FGL1: variants seen among roughly 807,000 people sequenced by gnomAD.
FGL1 encodes the protein fibrinogen like 1, also known as fibrinogen-like protein 1.
FGL1 carries 59 observed loss-of-function variants against 43.7 expected under a neutral mutation model. The ratio of observed to expected loss-of-function variants is 1.35; its 90% CI spans 1.10 to 1.68. The LOEUF (loss-of-function observed/expected upper bound fraction) is 1.68. FGL1 is among the 40% of genes most tolerant of loss of function. The pLI, the probability that FGL1 is intolerant of heterozygous loss-of-function variation, is 0.00. For synonymous variants in FGL1, 192 were observed against 126.5 expected, an observed-to-expected ratio of 1.52 and a Z score of -3.48; for missense variants, 596 against 373.0, an observed-to-expected ratio of 1.60 and a Z score of -4.92.
At chr8:17,881,053 A>G (rs2053526528) in intron 3 of FGL1, among the ~76,000 whole-genome samples, 2 of 152,042 alleles carry the variant, frequency 1.3e-5, no homozygotes, top group African/African-American at 4.8e-5. Flanking sequence ...AGAAGGGAAA[A>G]CTGCATACAT....
chr8:17,889,688 A>G (rs1167822312), intron 1 of FGL1, among the ~76,000 whole-genome samples: 1 of 152,248 alleles, frequency 6.6e-6, no homozygotes. Context: ...CTCTGGGGAT[A>G]TCCCCTGGGA....
chr8:17,877,566 C>T (rs550213195), intron 3 of FGL1, among the ~76,000 whole-genome samples: 5 of 151,040 alleles, frequency 3.3e-5, no homozygotes, highest in Admixed American at 6.6e-5. Flanking sequence ...TTGGGATATG[C>T]GAGAACTGGC....
At chr8:17,877,053 A>G (rs1585136652) in intron 3 of FGL1, among the ~76,000 whole-genome samples, 1 of 152,362 alleles carries the variant, frequency 6.6e-6, no homozygotes, top group East Asian at 1.9e-4. Flanking sequence ...TAACAAGTTA[A>G]GAAGCCTGCT....
Position 17,868,961 on chromosome 8 carries a change from AT to A in FGL1, c.545del (p.Asn182IlefsTer21). 1.1e-5 allele frequency: 18 copies of A among 1,605,942 alleles called. No homozygotes were observed. Among genetic ancestry groups the A allele is most frequent in the Non-Finnish European group, 1.4e-5 (17 of 1,177,458 alleles). Reference sequence around the variant, plus strand: ...AATTCTTATATTGTGCATAACGGCTATTTTTTTCAAAATCTGCAAGGTCGAT... The same window carrying A: ...AATTCTTATATTGTGCATAACGGCTATTTTTTCAAAATCTGCAAGGTCGAT... The part of the protein sequence containing the change: ...LKIDLADFEK[N>X]SRYAQYKNFK... On this transcript the variant is annotated frameshift_variant, in exon 6 of 8. Coordinates refer to ENST00000427924, the MANE Select transcript of FGL1 (RefSeq NM_004467.4). LOFTEE classifies it high-confidence loss of function.
At chr8:17,869,084 G>A (rs902227602) in intron 5 of FGL1, 80 bp from the exon 6 acceptor site, 9 of 835,014 alleles carry the variant, frequency 1.1e-5, no homozygotes, top group Non-Finnish European at 1.9e-6. Context: ...ATAATTCACA[G>A]CTCTATTTTA....
rs1294424767 is a variant in FGL1 at position 17,895,458 on chromosome 8, A to T, written c.-29T>A. On this transcript the variant is annotated 5_prime_UTR_variant, in exon 1 of 8. Transcript: ENST00000427924. Reference sequence around the variant, plus strand: ...ATTAAATAACTTGCCTAAAGTCAGAAGTGAGTCAGAGACCCAGCTCAGGTT... The same window carrying T: ...ATTAAATAACTTGCCTAAAGTCAGATGTGAGTCAGAGACCCAGCTCAGGTT... The T allele has an allele frequency of 5.5e-6, 7 of 1,282,742 alleles. No homozygotes were observed. Among genetic ancestry groups the T allele is most frequent in the Non-Finnish European group, 7.1e-6 (7 of 983,124 alleles). 79.5% of individuals were successfully genotyped at this position (1,282,742 alleles called of 1,614,324 possible).
chr8:17,865,586 G>A (rs35424179), intron 7 of FGL1, among the ~76,000 whole-genome samples: 4 of 152,084 alleles, frequency 2.6e-5, no homozygotes, highest in African/African-American at 9.7e-5. Flanking sequence ...ATCTAGATAA[G>A]CTGGTTAGGT....
rs1374970366 is a variant in FGL1 at position 17,882,179 on chromosome 8, C to T, written c.64G>A (p.Ala22Thr). 1.2e-6 allele frequency: 2 copies of T among 1,611,472 alleles called. No homozygotes were observed. Among genetic ancestry groups the T allele is most frequent in the South Asian group, 1.1e-5 (1 of 90,786 alleles). The change falls in exon 3 of 8, where the codon GCG becomes ACG. Residue 22 changes from alanine to threonine, a missense_variant and splice_region_variant. Coordinates refer to ENST00000427924, the MANE Select transcript of FGL1 (RefSeq NM_004467.4). ...TGCTCCTGGGCACAGTCCTCGAGCG[C>T]CTGCAAAACAGGTGAGATGAGATGA... Reference protein sequence around the residue: ...TALTMGREISALEDCAQEQMR... With the variant: ...TALTMGREISTLEDCAQEQMR...
chr8:17,883,426 A>T (rs1283864925), intron 2 of FGL1, among the ~76,000 whole-genome samples: 1 of 63,748 alleles, frequency 1.6e-5, no homozygotes, highest in Non-Finnish European at 3.2e-5. Flanking sequence ...AATATATAAT[A>T]TGAATATATA....
In FGL1 at chr8:17,864,572, C is replaced by T. The variant is rs193046171; in HGVS notation, c.*20G>A. 1.2e-4 allele frequency: 194 copies of T among 1,591,614 alleles called. No homozygotes were observed. The highest frequency in any genetic ancestry group is 1.1e-3 in the African/African-American group (82 of 73,972). ...TTTAAACAAAGCTGAATTGCAGAAA[C>T]GAAAGCCCAACAGCAGCAATTAAAT... On this transcript the variant is annotated 3_prime_UTR_variant, in exon 8 of 8. Coordinates refer to ENST00000427924, the MANE Select transcript of FGL1 (RefSeq NM_004467.4).
intron 5 of FGL1, among the ~76,000 whole-genome samples, chr8:17,873,724 A>C (rs974976040): frequency 6.7e-6 from 1 of 149,854 alleles, no homozygotes; most frequent in Admixed American, 6.7e-5. Context: ...ATATCTATAT[A>C]TAGCTACATA....
intron 1 of FGL1, among the ~76,000 whole-genome samples, chr8:17,889,350 G>C (rs13274312): frequency 0.048 from 7,361 of 152,226 alleles, 193 homozygotes; most frequent in East Asian, 0.067. Context: ...AGGAGTTCAA[G>C]ACCAGCCTGG....
intron 1 of FGL1, chr8:17,891,651 A>G (rs2053706612): frequency 1.0e-6 from 1 of 983,154 alleles, no homozygotes. Flanking sequence ...CAAAATATCT[A>G]CTGAATAGAT....
intron 1 of FGL1, among the ~76,000 whole-genome samples, chr8:17,892,024 T>C (rs1284473034): frequency 6.6e-6 from 1 of 152,200 alleles, no homozygotes; most frequent in Non-Finnish European, 1.5e-5. Flanking sequence ...GTCATTACCA[T>C]AGCTATCTCA....
At chr8:17,887,961 T>C in intron 1 of FGL1, among the ~76,000 whole-genome samples, 1 of 152,252 alleles carries the variant, frequency 6.6e-6, no homozygotes, top group East Asian at 1.9e-4. Context: ...TCTTAGTAAA[T>C]ATTTTTTCTT....
chr8:17,887,761 G>A (rs996399723), intron 1 of FGL1, among the ~76,000 whole-genome samples: 4 of 151,884 alleles, frequency 2.6e-5, no homozygotes, highest in Non-Finnish European at 4.4e-5. Context: ...CTTGAACCTG[G>A]GAGGTGGAGG....
rs776484441 is a variant in FGL1, at chr8:17,868,613, G to C, written c.714C>G (p.Asp238Glu). 3 of 1,613,992 alleles carry C rather than the reference G, an allele frequency of 1.9e-6. No homozygotes were observed. The highest frequency in any genetic ancestry group is 2.5e-6 in the Non-Finnish European group (3 of 1,179,966). ...TCCCTTCATAGTTGTCATGATCTCT[G>C]TCCCACGTGCTGAATTTCATTCTTT... ...SHQRMKFSTW[D>E]RDHDNYEGNC... Residue 238 changes from aspartate (D) to glutamate (E), a missense_variant, in exon 7 of 8, where the codon GAC becomes GAG. Coordinates refer to ENST00000427924, the MANE Select transcript of FGL1 (RefSeq NM_004467.4).
chr8:17,891,306 T>A (rs913683302), intron 1 of FGL1: 1 of 152,206 alleles, frequency 6.6e-6, no homozygotes, highest in Admixed American at 6.5e-5. Context: ...CATACTTCCT[T>A]CAAAGGCTCT....
At chr8:17,884,369 AT>A (rs1368637624) in intron 2 of FGL1, among the ~76,000 whole-genome samples, 1 of 151,902 alleles carries the variant, frequency 6.6e-6, no homozygotes, top group Non-Finnish European at 1.5e-5. Context: ...TAATTTTTGT[AT>A]TTTTAGTAGA....
Sources: gnomAD v4.1 joint callset for allele counts (sites outside exome capture counted in the v4.1 genomes callset) on GRCh38, gnomAD v4.1.1 for gene constraint, MANE v1.5 for transcripts, NCBI Gene and HGNC (gene_info 2026-07-23, HGNC 2026-07-21) for gene names.